HAP1: variants seen among roughly 807,000 people sequenced by gnomAD.
The protein encoded by HAP1 is huntingtin-associated protein 1.
HAP1 carries 59 observed loss-of-function variants against 60.3 expected under a neutral mutation model. That is an observed-to-expected ratio of 0.98 (90% CI 0.79 to 1.22). The LOEUF (loss-of-function observed/expected upper bound fraction) is 1.22. Among genes scored for constraint, HAP1 ranks in the 50% most tolerant of loss-of-function variants. The pLI, the probability that HAP1 is intolerant of heterozygous loss-of-function variation, is 0.00. For synonymous variants in HAP1, 346 were observed against 330.6 expected (o/e 1.05, Z -0.50); for missense variants, 825 against 785.3 (o/e 1.05, Z -0.60).
In HAP1 at chr17:41,727,829, G is replaced by A. The variant is rs74691434; in HGVS notation, c.1208C>T (p.Ala403Val). ...CTGCTTCTGCAACTTTTCAGTCTCA[G>A]CCCCATACTGGAAGGACCCAAAACC... Reference protein sequence around the residue: ...KLQQRCRMYGAETEKLQKQLA... With the variant: ...KLQQRCRMYGVETEKLQKQLA... Residue 403 changes from alanine (A) to valine (V), a missense_variant, in exon 8 of 11, where the codon GCT becomes GTT. Transcript: ENST00000347901. 402 of 1,604,932 alleles carry A rather than the reference G, an allele frequency of 2.5e-4. 7 individuals are homozygous for A. The Middle Eastern group carries it at 4.0e-3, about 16-fold the overall frequency.
At position 41,734,439 on chromosome 17, in the gene HAP1, T is replaced by C. The variant is rs77781133; in HGVS notation, c.196A>G (p.Thr66Ala). 4.6e-4 allele frequency: 737 copies of C among 1,608,578 alleles called. 5 individuals carry two copies. In the African/African-American group the frequency reaches 8.4e-3, roughly 18 times the overall value. The change falls in exon 1 of 11, where the codon ACC (threonine) becomes GCC (alanine). Residue 66 changes from threonine (T) to alanine (A), a missense_variant. Physicochemically the swap from Thr to Ala is moderately conservative, Grantham distance 58. Transcript: ENST00000347901. The part of the protein sequence containing the change: ...SGSQFLSEAR[T>A]GARPASEAGA... The stretch of plus-strand genomic sequence containing the variant: ...GCCTCCGAGGCCGGGCGAGCTCCGG[T>C]GCGGGCTTCCGAGAGGAACTGGGAT...
At chr17:41,728,608 T>C (rs1911875709) in intron 6 of HAP1, among the ~76,000 whole-genome samples, 3 of 152,060 alleles carry the variant, frequency 2.0e-5, no homozygotes, top group Non-Finnish European at 4.4e-5. Flanking sequence ...ATACAGGCCA[T>C]GATGGGCAAA....
In HAP1 at chr17:41,723,690, C is replaced by T. The variant is rs1286563559; in HGVS notation, c.*1011G>A. 6.6e-6 allele frequency: 1 copy of T among 152,576 alleles called. No individual in the cohort carries two copies. The highest frequency in any genetic ancestry group is 1.5e-5 in the Non-Finnish European group (1 of 68,062). 9.5% of individuals were successfully genotyped at this position (152,576 alleles called of 1,614,324 possible). A position where few individuals can be genotyped will look rare whatever the true frequency, so the allele number is the denominator to read the frequency against. ...TGCCCCCTGCATGCGCCATAAAGGT[C>T]ATGGTTCAGTTTATAACCTGCACAA... On this transcript the variant is annotated 3_prime_UTR_variant, in exon 11 of 11. Coordinates refer to ENST00000347901, the MANE Select transcript of HAP1 (RefSeq NM_177977.3).
chr17:41,727,866 A>G, intron 7 of HAP1, 30 bp from the exon 8 acceptor site: 8 of 1,380,024 alleles, frequency 5.8e-6, no homozygotes, highest in Non-Finnish European at 8.3e-6. Flanking sequence ...GTGAACCCCC[A>G]TCTGAGGCCT....
In HAP1 at chr17:41,732,223, C is replaced by T. The variant is rs782681572; in HGVS notation, c.714+7G>A. 3.0e-5 allele frequency: 48 copies of T among 1,604,774 alleles called. No homozygotes were observed. Among genetic ancestry groups the T allele is most frequent in the South Asian group, 6.7e-5 (6 of 89,376 alleles). On this transcript the variant is annotated splice_region_variant and intron_variant, in intron 3 of 10. Transcript: ENST00000347901. ...GGCCCGCTATCCTCTCCTCCCCACCCGGTTACCTCCTCCTTGGCTGAGCCC... is the reference window on the plus strand; with the variant it reads ...GGCCCGCTATCCTCTCCTCCCCACCTGGTTACCTCCTCCTTGGCTGAGCCC...
chr17:41,728,835 A>T (rs1168273659), intron 6 of HAP1, among the ~76,000 whole-genome samples: 2 of 152,170 alleles, frequency 1.3e-5, no homozygotes. Context: ...AACAGTGCAC[A>T]CAGGCCAGAC....
At chr17:41,730,533 G>A (rs1056066074) in intron 6 of HAP1, 5 of 152,278 alleles carry the variant, frequency 3.3e-5, no homozygotes, top group African/African-American at 1.2e-4. Flanking sequence ...GGGGGAAAAA[G>A]ACTTAAGCCA....
chr17:41,721,552 C>G, downstream of HAP1: 1 of 198,590 alleles, frequency 5.0e-6, no homozygotes. Flanking sequence ...TCCCCCATGT[C>G]TGGTTTGTCT....
At chr17:41,727,724 T>C (rs1244741584) in intron 8 of HAP1, 38 bp downstream of exon 8, 3 of 1,445,836 alleles carry the variant, frequency 2.1e-6, no homozygotes, top group Admixed American at 1.7e-5. Flanking sequence ...GGCCAGCGGC[T>C]CTCCAGGGTG....
intron 7 of HAP1, 82 bp downstream of exon 7, chr17:41,728,119 G>C (rs1221520510): frequency 6.6e-7 from 1 of 1,508,576 alleles, no homozygotes; most frequent in Non-Finnish European, 9.1e-7. Context: ...CTCAGGCCTG[G>C]TGGAGCCGAG....
rs1911438826 is a variant in HAP1 at position 41,724,435 on chromosome 17, A to C, written c.*266T>G. ...GGAGGCAGGGGTTGGGGGCAGGGGA[A>C]GCAAGCGGGCAGAGATGGGAAGCTG... On this transcript the variant is annotated 3_prime_UTR_variant, in exon 11 of 11. Coordinates refer to ENST00000347901, the MANE Select transcript of HAP1 (RefSeq NM_177977.3). The C allele has an allele frequency of 4.4e-6, 2 of 457,796 alleles. No homozygotes were observed. Among genetic ancestry groups the C allele is most frequent in the Non-Finnish European group, 7.9e-6 (2 of 253,970 alleles). 28.4% of individuals were successfully genotyped at this position (457,796 alleles called of 1,614,324 possible).
At position 41,724,792 on chromosome 17, in the gene HAP1, TGCC is replaced by T. The variant is rs1555588224; in HGVS notation, c.1766_1768del (p.Arg589del). Reference sequence around the variant, plus strand: ...TTTCTGGAGCATCTTCCACCTCAGCTGCCGCCTGTAATGGGCATCTTGCCAGTT... The same window carrying T: ...TTTCTGGAGCATCTTCCACCTCAGCTGCCTGTAATGGGCATCTTGCCAGTT... On this transcript the variant is annotated inframe_deletion, in exon 11 of 11. Transcript: ENST00000347901. The T allele has an allele frequency of 1.9e-6, 3 of 1,612,126 alleles. No homozygotes were observed. The highest frequency in any genetic ancestry group is 1.7e-5 in the Admixed American group (1 of 59,974).
At chr17:41,730,625 T>C (rs868981646) in intron 6 of HAP1, among the ~76,000 whole-genome samples, 1 of 151,622 alleles carries the variant, frequency 6.6e-6, no homozygotes, top group Admixed American at 6.6e-5. Context: ...ATTCAGGGAG[T>C]TGCAGAACCC....
chr17:41,725,869 A>G lies in HAP1; in HGVS notation c.1396T>C (p.Ser466Pro). The change falls in exon 10 of 11, where the codon TCC becomes CCC. Residue 466 changes from serine to proline, a missense_variant. Coordinates refer to ENST00000347901, the MANE Select transcript of HAP1 (RefSeq NM_177977.3). The stretch of plus-strand genomic sequence containing the variant: ...CCCTGGCAGGCTTACCTTAGGCTGG[A>G]TGTGTCCCCTCTGGGCATCTCATAA... The part of the protein sequence containing the change: ...RNYEMPRGDT[S>P]SLRYDFRYSE... The G allele has an allele frequency of 5.0e-6, 8 of 1,613,100 alleles. No individual in the cohort carries two copies. The highest frequency in any genetic ancestry group is 6.8e-6 in the Non-Finnish European group (8 of 1,179,086).
chr17:41,732,128 A>G lies in HAP1; in HGVS notation c.715-10T>C. ...GTCTGAGGTATAAAATCTGGCAGGA[A>G]GAGAGAGGAGCCATGGGTTGGGAGT... On this transcript the variant is annotated splice_polypyrimidine_tract_variant and intron_variant, in intron 3 of 10. Transcript: ENST00000347901. The G allele has an allele frequency of 1.9e-6, 3 of 1,613,572 alleles. No homozygotes were observed. Among genetic ancestry groups the G allele is most frequent in the South Asian group, 2.2e-5 (2 of 91,050 alleles).
downstream of HAP1, among the ~76,000 whole-genome samples, chr17:41,719,807 T>C (rs1911124828): frequency 6.6e-6 from 1 of 152,190 alleles, no homozygotes. Flanking sequence ...AACATTTTAT[T>C]CACTAATGAG....
chr17:41,733,726 G>T (rs1415629687), intron 1 of HAP1, among the ~76,000 whole-genome samples: 1 of 151,978 alleles, frequency 6.6e-6, no homozygotes, highest in Non-Finnish European at 1.5e-5. Flanking sequence ...CCCCATACCC[G>T]CAACCAAAAA....
chr17:41,729,549 CAAAAAAAAAAAAAAAAAA>C (rs1162563636), intron 6 of HAP1, among the ~76,000 whole-genome samples: 2 of 63,108 alleles, frequency 3.2e-5, no homozygotes, highest in South Asian at 9.4e-4. Context: ...GCCTCCTTCT[CAAAAAAAAAAAAAAAAAA>C]AAAAAAAAAA....
chr17:41,724,912 G>A lies in HAP1; in HGVS notation c.1649C>T (p.Ala550Val), dbSNP rs1911497222. The A allele has an allele frequency of 6.2e-7, 1 of 1,613,450 alleles. No homozygotes were observed. Among genetic ancestry groups the A allele is most frequent in the Non-Finnish European group, 8.5e-7 (1 of 1,179,984 alleles). Residue 550 changes from alanine (A) to valine (V), a missense_variant, in exon 11 of 11, where the codon GCA (alanine) becomes GTA (valine). Transcript: ENST00000347901. ...TGATGTCACCACGTTCATCCGCGTT[G>A]CCTCATCCAGCTCCAGTTCCACCTC... ...WEEVELELDE[A>V]TRMNVVTSAL...
Sources: gnomAD v4.1 joint callset for allele counts (sites outside exome capture counted in the v4.1 genomes callset) on GRCh38, gnomAD v4.1.1 for gene constraint, MANE v1.5 for transcripts, NCBI Gene and HGNC (gene_info 2026-07-23, HGNC 2026-07-21) for gene names.